CPA6: variants seen among roughly 807,000 people sequenced by gnomAD.
CPA6 encodes carboxypeptidase B.
CPA6 carries 58 observed loss-of-function variants against 63.3 expected under a neutral mutation model. The observed-to-expected ratio is 0.92, with a 90% CI of 0.74 to 1.14. The LOEUF (loss-of-function observed/expected upper bound fraction) is 1.14, where lower values mean the gene tolerates loss of function less well. CPA6 is among the 50% of genes most tolerant of loss of function. CPA6 has a pLI of 0.00. For missense variants in CPA6, 565 were observed against 526.6 expected, an observed-to-expected ratio of 1.07 and a Z score of -0.71; for synonymous variants, 185 against 179.0, an observed-to-expected ratio of 1.03 and a Z score of -0.27.
chr8:67,711,996 T>A (rs1318813184), intron 1 of CPA6, among the ~76,000 whole-genome samples: 1 of 152,040 alleles, frequency 6.6e-6, no homozygotes, highest in Non-Finnish European at 1.5e-5. Context: ...ATAAGAAGAA[T>A]TACCCCTCCT....
intron 2 of CPA6, among the ~76,000 whole-genome samples, chr8:67,579,784 T>C (rs899062766): frequency 6.6e-6 from 1 of 152,214 alleles, no homozygotes; most frequent in Admixed American, 6.5e-5. Flanking sequence ...TCAACACCCA[T>C]AAAGGTTTAT....
intron 8 of CPA6, among the ~76,000 whole-genome samples, chr8:67,445,895 A>G (rs1419528044): frequency 6.6e-6 from 1 of 152,258 alleles, no homozygotes; most frequent in Non-Finnish European, 1.5e-5. Context: ...TAAATATTTA[A>G]TGGAAAAAAG....
At chr8:67,583,053 G>T (rs1361691369) in intron 2 of CPA6, among the ~76,000 whole-genome samples, 1 of 151,964 alleles carries the variant, frequency 6.6e-6, no homozygotes, top group East Asian at 1.9e-4. Context: ...TTTATTATTA[G>T]GATTTTTAAT....
intron 8 of CPA6, among the ~76,000 whole-genome samples, chr8:67,482,580 A>G (rs1204851889): frequency 2.0e-5 from 3 of 152,324 alleles, no homozygotes; most frequent in African/African-American, 7.2e-5. Context: ...TGTTTCACCA[A>G]CTGATCTGAG....
At chr8:67,596,020 A>G (rs1449345237) in intron 2 of CPA6, among the ~76,000 whole-genome samples, 3 of 152,210 alleles carry the variant, frequency 2.0e-5, no homozygotes. Flanking sequence ...CTATTCGGCC[A>G]TCTTGGCTCC....
At chr8:67,651,243 T>C (rs1815829842) in intron 1 of CPA6, among the ~76,000 whole-genome samples, 1 of 152,158 alleles carries the variant, frequency 6.6e-6, no homozygotes, top group Non-Finnish European at 1.5e-5. Flanking sequence ...TTATGTGTTG[T>C]AGGACTTTTT....
intron 2 of CPA6, among the ~76,000 whole-genome samples, chr8:67,518,568 G>A (rs114234411): frequency 0.029 from 4,247 of 148,156 alleles, 201 homozygotes; most frequent in African/African-American, 0.098. Flanking sequence ...GGGCAGTGGC[G>A]TGATCTCAGT....
intron 2 of CPA6, among the ~76,000 whole-genome samples, chr8:67,537,475 T>C (rs1812609130): frequency 6.6e-6 from 1 of 152,228 alleles, no homozygotes; most frequent in South Asian, 2.1e-4. Context: ...TCTAGCTTAT[T>C]TGCGTAGAGG....
intron 1 of CPA6, among the ~76,000 whole-genome samples, chr8:67,660,068 C>T (rs1816073775): frequency 6.6e-6 from 1 of 152,144 alleles, no homozygotes; most frequent in Non-Finnish European, 1.5e-5. Flanking sequence ...AAATCTAGTT[C>T]AGAATCAGCA....
intron 1 of CPA6, among the ~76,000 whole-genome samples, chr8:67,635,597 G>A (rs1274043151): frequency 1.3e-5 from 2 of 151,300 alleles, no homozygotes; most frequent in African/African-American, 4.9e-5. Context: ...GTGAAACCCC[G>A]TCTCTACTAA....
chr8:67,475,831 C>A (rs1159759194), intron 8 of CPA6, among the ~76,000 whole-genome samples: 1 of 50,390 alleles, frequency 2.0e-5, no homozygotes, highest in Admixed American at 2.3e-4. Flanking sequence ...TCTTTTCTTT[C>A]TTTCTTTCTT....
chr8:67,669,441 G>C (rs2128994102), intron 1 of CPA6, among the ~76,000 whole-genome samples: 1 of 152,276 alleles, frequency 6.6e-6, no homozygotes, highest in South Asian at 2.1e-4. Flanking sequence ...CCCACAGACG[G>C]GGAGTCTTTC....
At chr8:67,533,684 C>T (rs1812524616) in intron 2 of CPA6, among the ~76,000 whole-genome samples, 1 of 152,192 alleles carries the variant, frequency 6.6e-6, no homozygotes, top group African/African-American at 2.4e-5. Context: ...GAAAAGAAGG[C>T]ATTTATGTTG....
chr8:67,541,090 A>G (rs1413545144), intron 2 of CPA6, among the ~76,000 whole-genome samples: 1 of 150,932 alleles, frequency 6.6e-6, no homozygotes, highest in African/African-American at 2.4e-5. Context: ...CTGGGTACGA[A>G]AAAAAAAAAC....
intron 2 of CPA6, among the ~76,000 whole-genome samples, chr8:67,538,214 A>T (rs1373221798): frequency 6.6e-6 from 1 of 152,188 alleles, no homozygotes; most frequent in East Asian, 1.9e-4. Context: ...CTTTGTCCAG[A>T]GTTGAGTTCA....
At chr8:67,434,000 A>G in intron 9 of CPA6, 38 bp downstream of exon 9, 2 of 1,447,210 alleles carry the variant, frequency 1.4e-6, no homozygotes, top group African/African-American at 1.4e-5. Flanking sequence ...GAAAAGCAGC[A>G]TGAAGCCTGA....
At chr8:67,604,865 C>T (rs1474666698) in intron 2 of CPA6, among the ~76,000 whole-genome samples, 2 of 152,122 alleles carry the variant, frequency 1.3e-5, no homozygotes, top group African/African-American at 2.4e-5. Context: ...GCAACCTCCA[C>T]CTCCCGGGTT....
intron 2 of CPA6, among the ~76,000 whole-genome samples, chr8:67,543,181 A>G (rs957661702): frequency 6.6e-6 from 1 of 152,236 alleles, no homozygotes; most frequent in East Asian, 1.9e-4. Context: ...TCTGGGATGC[A>G]TATACTGCAT....
At chr8:67,744,860 C>T (rs1303836310) in intron 1 of CPA6, among the ~76,000 whole-genome samples, 2 of 152,122 alleles carry the variant, frequency 1.3e-5, no homozygotes, top group Admixed American at 6.5e-5. Context: ...CCATCTATAG[C>T]CCCTACCTCA....
Sources: allele counts gnomAD v4.1 joint callset (sites outside exome capture counted in the v4.1 genomes callset), GRCh38; gene constraint gnomAD v4.1.1; transcripts MANE v1.5; gene names NCBI Gene and HGNC (gene_info 2026-07-23, HGNC 2026-07-21).